NBEA: variants seen among roughly 807,000 people sequenced by gnomAD.
The protein encoded by NBEA is lysosomal-trafficking regulator 2.
Under a neutral mutation model 343.4 loss-of-function variants are expected in NBEA, and 44 were observed. The ratio of observed to expected loss-of-function variants is 0.13; its 90% CI spans 0.10 to 0.16. The LOEUF is 0.16. Among genes scored for constraint, NBEA ranks in the 10% least tolerant of loss-of-function variants. The pLI is 1.00. For missense variants in NBEA, 2,555 were observed against 3,631.3 expected, an observed-to-expected ratio of 0.70 and a Z score of 7.62; for synonymous variants, 1,175 against 1,238.7, an observed-to-expected ratio of 0.95 and a Z score of 1.08.
chr13:35,433,480 C>T (rs2045246492), intron 39 of NBEA, among the ~76,000 whole-genome samples: 1 of 151,712 alleles, frequency 6.6e-6, no homozygotes. Flanking sequence ...CATGTAAAAC[C>T]ATTCATGTTC....
chr13:35,163,823 C>T (rs2069773763), intron 23 of NBEA, among the ~76,000 whole-genome samples: 1 of 151,884 alleles, frequency 6.6e-6, no homozygotes, highest in African/African-American at 2.4e-5. Context: ...GTATACATTT[C>T]AATGTGACTA....
At position 35,168,979 on chromosome 13, in the gene NBEA, A is replaced by G. The variant is rs1428063674; in HGVS notation, c.4234-8A>G. On this transcript the variant is annotated splice_polypyrimidine_tract_variant and splice_region_variant and intron_variant, in intron 24 of 58. Coordinates refer to ENST00000379939, the MANE Select transcript of NBEA (RefSeq NM_001385012.1). The stretch of plus-strand genomic sequence containing the variant: ...GTCTGTTGTCTGTTTTGTCTAATGC[A>G]TGTCCAGGGTTCTAAGGTTAGTATT... The G allele has an allele frequency of 4.0e-6, 6 of 1,482,902 alleles. No homozygotes were observed. Among genetic ancestry groups the G allele is most frequent in the East Asian group, 4.9e-5 (2 of 40,874 alleles). The allele number at this position is 1,482,902 out of a possible 1,614,324, so 91.9% of individuals were successfully genotyped here. A position where few individuals can be genotyped will look rare whatever the true frequency, so the allele number is the denominator to read the frequency against.
At chr13:35,331,067 G>T (rs2038898945) in intron 36 of NBEA, among the ~76,000 whole-genome samples, 1 of 151,990 alleles carries the variant, frequency 6.6e-6, no homozygotes, top group Admixed American at 6.6e-5. Flanking sequence ...GTCTGATATG[G>T]AGCTTCATAA....
At chr13:35,526,404 A>G (rs936496) in intron 41 of NBEA, among the ~76,000 whole-genome samples, 72,062 of 152,042 alleles carry the variant, frequency 0.47, 18,541 homozygotes, top group East Asian at 0.76. Flanking sequence ...TCAGCACTTT[A>G]GGAGGTCGAG....
chr13:35,671,269 A>G lies in NBEA; in HGVS notation c.*278A>G. ...TCATATATTGTTGTTTATTGAGAAA[A>G]GGTTGTAGGATGTGTCACAAGAGAC... On this transcript the variant is annotated 3_prime_UTR_variant, in exon 59 of 59. Transcript: ENST00000379939. 1 of 267,268 alleles carries G rather than the reference A, an allele frequency of 3.7e-6. No individual in the cohort carries two copies. Among genetic ancestry groups the G allele is most frequent in the Non-Finnish European group, 7.2e-6 (1 of 139,244 alleles). 16.6% of individuals were successfully genotyped at this position (267,268 alleles called of 1,614,324 possible).
chr13:35,010,795 G>T (rs2061473053), intron 1 of NBEA, among the ~76,000 whole-genome samples: 1 of 138,282 alleles, frequency 7.2e-6, no homozygotes, highest in Non-Finnish European at 1.5e-5. Flanking sequence ...GGGTGTGGTG[G>T]TGCACACCTG....
intron 34 of NBEA, among the ~76,000 whole-genome samples, chr13:35,256,072 C>T (rs1224396563): frequency 6.6e-6 from 1 of 152,134 alleles, no homozygotes; most frequent in Non-Finnish European, 1.5e-5. Context: ...CAGCCCTCAG[C>T]AGAGAGGAGA....
intron 44 of NBEA, among the ~76,000 whole-genome samples, chr13:35,557,838 GAA>G (rs904263227): frequency 6.6e-6 from 1 of 151,902 alleles, no homozygotes; most frequent in Non-Finnish European, 1.5e-5. Flanking sequence ...TGTTTGGGGA[GAA>G]AAAAAGAGAA....
chr13:35,596,582 G>A (rs901237723), intron 47 of NBEA, among the ~76,000 whole-genome samples: 1 of 152,110 alleles, frequency 6.6e-6, no homozygotes, highest in African/African-American at 2.4e-5. Context: ...CCTTTCAGGA[G>A]AGAGGTCTCT....
chr13:35,613,849 C>T (rs1375482429), intron 48 of NBEA, among the ~76,000 whole-genome samples: 1 of 152,200 alleles, frequency 6.6e-6, no homozygotes, highest in Admixed American at 6.5e-5. Context: ...AATCCTCCCA[C>T]CTCAGCCTCC....
At chr13:35,154,461 G>A (rs1472986977) in intron 18 of NBEA, among the ~76,000 whole-genome samples, 2 of 152,142 alleles carry the variant, frequency 1.3e-5, no homozygotes, top group Admixed American at 1.3e-4. Flanking sequence ...GATATAAAAT[G>A]ATGTCTGTAT....
intron 46 of NBEA, among the ~76,000 whole-genome samples, chr13:35,587,344 G>T (rs1249609802): frequency 6.6e-6 from 1 of 152,126 alleles, no homozygotes; most frequent in African/African-American, 2.4e-5. Flanking sequence ...CTCTCAAGGG[G>T]ACCACCAAAA....
chr13:34,955,741 C>A (rs936045966), intron 1 of NBEA, among the ~76,000 whole-genome samples: 5 of 152,004 alleles, frequency 3.3e-5, no homozygotes, highest in Non-Finnish European at 7.4e-5. Flanking sequence ...CCATTCATAT[C>A]TTTCAGTTAG....
chr13:35,267,697 A>AT (rs754816200), intron 34 of NBEA, among the ~76,000 whole-genome samples: 9 of 151,800 alleles, frequency 5.9e-5, no homozygotes, highest in Non-Finnish European at 8.8e-5. Flanking sequence ...TTGAGTAGAC[A>AT]TTTTTTCAAA....
chr13:35,250,407 A>C (rs1175111629), intron 34 of NBEA, among the ~76,000 whole-genome samples: 1 of 152,196 alleles, frequency 6.6e-6, no homozygotes, highest in Non-Finnish European at 1.5e-5. Flanking sequence ...GGTTAAATAC[A>C]AGCAGTCAGT....
intron 36 of NBEA, among the ~76,000 whole-genome samples, chr13:35,316,826 T>C (rs534916410): frequency 6.6e-5 from 10 of 152,200 alleles, no homozygotes. Context: ...TGGTATCTCA[T>C]TGTGATTTTG....
intron 40 of NBEA, among the ~76,000 whole-genome samples, chr13:35,462,304 A>T (rs962171322): frequency 1.3e-5 from 2 of 152,248 alleles, no homozygotes; most frequent in Admixed American, 6.5e-5. Context: ...AACCATTCTA[A>T]CAGAAAACAC....
intron 36 of NBEA, among the ~76,000 whole-genome samples, chr13:35,341,196 A>C (rs1016529668): frequency 6.6e-6 from 1 of 152,034 alleles, no homozygotes; most frequent in African/African-American, 2.4e-5. Context: ...GAACAACTGG[A>C]TATCAACAGG....
chr13:35,633,015 T>G (rs2083525104), intron 49 of NBEA, among the ~76,000 whole-genome samples: 2 of 103,980 alleles, frequency 1.9e-5, no homozygotes, highest in Non-Finnish European at 4.3e-5. Flanking sequence ...AGTCTTATTT[T>G]GAAAAAAAAA....
Sources: gnomAD v4.1 joint callset for allele counts (sites outside exome capture counted in the v4.1 genomes callset) on GRCh38, gnomAD v4.1.1 for gene constraint, MANE v1.5 for transcripts, NCBI Gene and HGNC (gene_info 2026-07-23, HGNC 2026-07-21) for gene names.